The following GNG7 variants were observed in gnomAD, a reference collection of about 807,000 sequenced individuals.
The protein encoded by GNG7 is G protein subunit gamma 7, also known as guanine nucleotide-binding protein G(I)/G(S)/G(O) subunit gamma-7.
In GNG7, 1 loss-of-function variant was observed where a neutral mutation model predicts 4.0. The observed-to-expected ratio is 0.25, with a 90% CI of 0.09 to 1.18. GNG7 has a LOEUF of 1.18. Among genes scored for constraint, GNG7 ranks in the 50% most tolerant of loss-of-function variants. The pLI, the probability that GNG7 is intolerant of heterozygous loss-of-function variation, is 0.50. For missense variants in GNG7, 86 were observed against 91.9 expected, an observed-to-expected ratio of 0.94 and a Z score of 0.26; for synonymous variants, 34 against 36.9, an observed-to-expected ratio of 0.92 and a Z score of 0.29.
intron 4 of GNG7, among the ~76,000 whole-genome samples, chr19:2,518,249 C>T (rs908495616): frequency 1.1e-4 from 16 of 151,264 alleles, no homozygotes; most frequent in African/African-American, 3.6e-4. Flanking sequence ...TGGCTCCCCC[C>T]GAGGCCCGAC....
At chr19:2,695,560 G>A (rs748738686) in intron 1 of GNG7, among the ~76,000 whole-genome samples, 4 of 152,186 alleles carry the variant, frequency 2.6e-5, no homozygotes, top group Non-Finnish European at 4.4e-5. Flanking sequence ...CAACAGCAGC[G>A]TCCAGGAAAC....
At chr19:2,630,335 C>T (rs1041981417) in intron 2 of GNG7, among the ~76,000 whole-genome samples, 1 of 152,070 alleles carries the variant, frequency 6.6e-6, no homozygotes, top group Admixed American at 6.5e-5. Context: ...GATGAGATAT[C>T]ACTCCCCTGA....
chr19:2,640,605 A>C (rs182088074), intron 2 of GNG7, among the ~76,000 whole-genome samples: 5 of 151,968 alleles, frequency 3.3e-5, no homozygotes, highest in Admixed American at 6.6e-5. Flanking sequence ...CCTTCTTTGT[A>C]CTTTTCTTCA....
At chr19:2,522,030 C>T (rs1233963862) in intron 3 of GNG7, among the ~76,000 whole-genome samples, 5 of 152,078 alleles carry the variant, frequency 3.3e-5, no homozygotes, top group Admixed American at 6.6e-5. Context: ...CTTGGGAGTC[C>T]GTGGAATCCC....
At chr19:2,669,799 CAGG>C (rs1220622243) in intron 1 of GNG7, among the ~76,000 whole-genome samples, 3 of 152,006 alleles carry the variant, frequency 2.0e-5, no homozygotes, top group Admixed American at 2.0e-4. Context: ...CACTTGAGGC[CAGG>C]AGTTTAAGAC....
chr19:2,632,818 G>A (rs1982198557), intron 2 of GNG7: 1 of 152,212 alleles, frequency 6.6e-6, no homozygotes, highest in Non-Finnish European at 1.5e-5. Context: ...TCAGATCCAT[G>A]TCCGATAAAA....
intron 1 of GNG7, among the ~76,000 whole-genome samples, chr19:2,691,911 G>A (rs117347718): frequency 0.043 from 6,482 of 152,030 alleles, 208 homozygotes; most frequent in Non-Finnish European, 0.064. Context: ...CGGACACCCG[G>A]GGAGAAGGCC....
intron 2 of GNG7, among the ~76,000 whole-genome samples, chr19:2,563,865 C>T (rs1472328286): frequency 1.3e-5 from 2 of 152,116 alleles, no homozygotes; most frequent in African/African-American, 2.4e-5. Context: ...TTATTTAAAC[C>T]TTCGCACCCA....
At chr19:2,580,178 C>G (rs1053076511) in intron 2 of GNG7, among the ~76,000 whole-genome samples, 3 of 152,190 alleles carry the variant, frequency 2.0e-5, no homozygotes, top group Non-Finnish European at 2.9e-5. Flanking sequence ...CTACCAGTCC[C>G]AGTCCTGGCC....
chr19:2,521,256 A>G (rs1978306973), intron 3 of GNG7, among the ~76,000 whole-genome samples: 1 of 150,932 alleles, frequency 6.6e-6, no homozygotes, highest in Non-Finnish European at 1.5e-5. Flanking sequence ...ACAGAGCAAG[A>G]CTCCGTCTCA....
chr19:2,569,489 ATGG>A (rs1980080615), intron 2 of GNG7, among the ~76,000 whole-genome samples: 1 of 152,066 alleles, frequency 6.6e-6, no homozygotes, highest in Non-Finnish European at 1.5e-5. Flanking sequence ...GTTAGCCAGG[ATGG>A]TCTCGATCTC....
At chr19:2,644,999 C>G (rs928491488) in intron 2 of GNG7, among the ~76,000 whole-genome samples, 1 of 152,150 alleles carries the variant, frequency 6.6e-6, no homozygotes, top group African/African-American at 2.4e-5. Flanking sequence ...ATGATTTATA[C>G]TGGGCTTAGC....
At chr19:2,661,277 A>G (rs1156277710) in intron 1 of GNG7, among the ~76,000 whole-genome samples, 1,068 of 60,396 alleles carry the variant, frequency 0.018, 26 homozygotes, top group Middle Eastern at 0.059. Flanking sequence ...AAGAAAAGAA[A>G]GAAAGAAAGA....
intron 2 of GNG7, among the ~76,000 whole-genome samples, chr19:2,619,555 G>C (rs1372627806): frequency 1.3e-5 from 2 of 152,218 alleles, no homozygotes; most frequent in African/African-American, 4.8e-5. Flanking sequence ...ACCTGGTACA[G>C]CAAACGCCAC....
intron 2 of GNG7, among the ~76,000 whole-genome samples, chr19:2,599,084 C>T (rs943988375): frequency 2.0e-5 from 3 of 152,184 alleles, no homozygotes; most frequent in Non-Finnish European, 2.9e-5. Context: ...AAGCCAATGT[C>T]ACCGGGCTGT....
chr19:2,553,938 AATATATTATATGTAAT>A (rs1979461179), intron 3 of GNG7, among the ~76,000 whole-genome samples: 1 of 135,376 alleles, frequency 7.4e-6, no homozygotes, highest in African/African-American at 2.9e-5. Flanking sequence ...TATTGTATGT[AATATATTATATGTAAT>A]ATATATTACA....
rs1460201037 is a variant in GNG7 at position 2,633,480 on chromosome 19, C to T, written c.-78+12744G>A. ...GGTTGCTTAGCAACAGGCGCGCGCG[C>T]GCGCGCGCACACACACACACACACA... On this transcript the variant is annotated intron_variant, in intron 2 of 4. Coordinates refer to ENST00000382159, the MANE Select transcript of GNG7 (RefSeq NM_052847.3). The surrounding 1 kb of genome is among the most constrained non-coding windows in gnomAD (Gnocchi z 5.9). Among the ~76,000 whole-genome samples, 4 of 79,494 alleles carry T rather than the reference C, an allele frequency of 5.0e-5. No homozygotes were observed. Among genetic ancestry groups the T allele is most frequent in the Non-Finnish European group, 1.2e-4 (4 of 34,426 alleles). 52.2% of individuals were successfully genotyped at this position (79,494 alleles called of 152,430 possible). A position where few individuals can be genotyped will look rare whatever the true frequency, so the allele number is the denominator to read the frequency against.
intron 3 of GNG7, among the ~76,000 whole-genome samples, chr19:2,525,228 A>G (rs1323415062): frequency 6.6e-6 from 1 of 152,158 alleles, no homozygotes; most frequent in Non-Finnish European, 1.5e-5. Context: ...GGGAGCAGGC[A>G]GCTCCGGGGG....
chr19:2,691,883 A>G (rs996951996), intron 1 of GNG7, among the ~76,000 whole-genome samples: 7 of 142,032 alleles, frequency 4.9e-5, no homozygotes, highest in Admixed American at 1.4e-4. Context: ...AAAAAAAAAA[A>G]GAGGAGGGAA....
Sources: allele counts gnomAD v4.1 joint callset (sites outside exome capture counted in the v4.1 genomes callset), GRCh38; gene constraint gnomAD v4.1.1; non-coding constraint Gnocchi (gnomAD v3.1); transcripts MANE v1.5; gene names NCBI Gene and HGNC (gene_info 2026-07-23, HGNC 2026-07-21).